The following ANXA3 variants were observed in gnomAD, a reference collection of about 807,000 sequenced individuals.
ANXA3 encodes 35-alpha calcimedin.
ANXA3 carries 46 observed loss-of-function variants against 48.8 expected under a neutral mutation model. That is an observed-to-expected ratio of 0.94 (90% CI 0.74 to 1.21). The LOEUF is 1.21. ANXA3 is among the 50% of genes most tolerant of loss of function. ANXA3 has a pLI of 0.00. For synonymous variants in ANXA3, 128 were observed against 134.7 expected (o/e 0.95, Z 0.35); for missense variants, 383 against 378.6 (o/e 1.01, Z -0.10).
chr4:78,578,903 A>C, intron 3 of ANXA3, 124 bp from the exon 4 acceptor site: 1 of 393,998 alleles, frequency 2.5e-6, no homozygotes, highest in Non-Finnish European at 4.6e-6. Context: ...TTCCAACCAG[A>C]TAAGATGCTA....
At chr4:78,565,140 C>G (rs1722705498) in intron 2 of ANXA3, among the ~76,000 whole-genome samples, 1 of 152,056 alleles carries the variant, frequency 6.6e-6, no homozygotes, top group Non-Finnish European at 1.5e-5. Flanking sequence ...ATTACAGGCA[C>G]CTGCCACCAC....
chr4:78,598,459 T>C (rs1723467683), intron 10 of ANXA3, among the ~76,000 whole-genome samples: 1 of 152,198 alleles, frequency 6.6e-6, no homozygotes, highest in South Asian at 2.1e-4. Context: ...GAGATCAGTC[T>C]TCATAATTAG....
intron 3 of ANXA3, among the ~76,000 whole-genome samples, chr4:78,578,746 T>C (rs997092162): frequency 5.3e-5 from 8 of 152,072 alleles, no homozygotes; most frequent in African/African-American, 1.9e-4. Context: ...AAGTAGTAGG[T>C]TGTTTTGTCT....
At chr4:78,606,061 G>T (rs1430879780) in intron 12 of ANXA3, among the ~76,000 whole-genome samples, 2 of 152,266 alleles carry the variant, frequency 1.3e-5, no homozygotes, top group Non-Finnish European at 2.9e-5. Context: ...GCTGGGGTTG[G>T]TGAGTGGAGC....
chr4:78,597,531 C>T, intron 10 of ANXA3, 117 bp downstream of exon 10: 1 of 645,794 alleles, frequency 1.5e-6, no homozygotes, highest in Non-Finnish European at 2.7e-6. Context: ...TCCCTACAGC[C>T]CCCAACATGG....
intron 2 of ANXA3, among the ~76,000 whole-genome samples, chr4:78,567,225 G>A (rs903671449): frequency 6.6e-6 from 1 of 152,208 alleles, no homozygotes; most frequent in Non-Finnish European, 1.5e-5. Context: ...TAGGGCTGCT[G>A]TAATAAAGTA....
Position 78,573,218 on chromosome 4 carries a change from T to C in ANXA3, c.54T>C (p.Phe18=). The C allele has an allele frequency of 6.2e-7, 1 of 1,613,784 alleles. No individual in the cohort carries two copies. The highest frequency in any genetic ancestry group is 1.7e-5 in the Admixed American group (1 of 60,026). Residue 18 remains phenylalanine, a synonymous_variant, in exon 3 of 13, where the codon TTT becomes TTC. Coordinates refer to ENST00000264908, the MANE Select transcript of ANXA3 (RefSeq NM_005139.3). ...GAACAGTAAGAGATTATCCAGACTT[T>C]AGCCCATCAGTGGATGCTGAAGCTA... The part of the protein sequence containing the change: ...HRGTVRDYPD[F]SPSVDAEAIQ...
chr4:78,595,986 C>T (rs535400321), intron 9 of ANXA3, 99 bp downstream of exon 9: 11 of 764,264 alleles, frequency 1.4e-5, no homozygotes, highest in African/African-American at 5.3e-5. Context: ...TTTAAAATTG[C>T]GAAGTCTGTT....
chr4:78,555,773 C>A (rs1722500117), intron 2 of ANXA3, among the ~76,000 whole-genome samples: 1 of 151,670 alleles, frequency 6.6e-6, no homozygotes, highest in Admixed American at 6.6e-5. Context: ...ATCGCTTAAG[C>A]CCAAGAGGTG....
At chr4:78,567,116 G>A (rs4975147) in intron 2 of ANXA3, among the ~76,000 whole-genome samples, 111,640 of 152,132 alleles carry the variant, frequency 0.73, 41,624 homozygotes, top group East Asian at 0.88. Context: ...GGCACTTCTA[G>A]GTGAGGAGGC....
intron 2 of ANXA3, among the ~76,000 whole-genome samples, chr4:78,558,601 G>T (rs942417942): frequency 1.3e-5 from 2 of 152,226 alleles, no homozygotes; most frequent in Non-Finnish European, 2.9e-5. Flanking sequence ...GAAGATGAAA[G>T]AATGGCTGGT....
intron 5 of ANXA3, among the ~76,000 whole-genome samples, chr4:78,585,331 G>A (rs560607835): frequency 5.9e-5 from 9 of 152,286 alleles, no homozygotes; most frequent in South Asian, 4.1e-4. Flanking sequence ...AGGCTCTGCC[G>A]TCTTTAACTC....
chr4:78,577,497 T>C (rs1368634666), intron 3 of ANXA3, among the ~76,000 whole-genome samples: 2 of 152,170 alleles, frequency 1.3e-5, no homozygotes, highest in East Asian at 3.8e-4. Flanking sequence ...CAGCACCAAA[T>C]TGGTGCTCAG....
chr4:78,555,486 A>T (rs1340142911), intron 2 of ANXA3, among the ~76,000 whole-genome samples: 1 of 152,214 alleles, frequency 6.6e-6, no homozygotes, highest in East Asian at 1.9e-4. Flanking sequence ...CTTGACAGAA[A>T]AAGTTGTAAG....
chr4:78,553,888 T>C (rs2109921372), intron 1 of ANXA3: 1 of 152,410 alleles, frequency 6.6e-6, no homozygotes, highest in East Asian at 1.9e-4. Flanking sequence ...AACTGTGCCT[T>C]TCACCTCTGC....
intron 3 of ANXA3, among the ~76,000 whole-genome samples, chr4:78,577,314 C>A (rs910140139): frequency 6.6e-6 from 1 of 152,050 alleles, no homozygotes; most frequent in African/African-American, 2.4e-5. Context: ...TGAGATGATT[C>A]CCAGGGTTTT....
In ANXA3 at chr4:78,601,623, G is replaced by A. The variant is rs989827560; in HGVS notation, c.789+55G>A. 5.7e-6 allele frequency: 8 copies of A among 1,406,642 alleles called. No homozygotes were observed. The Admixed American group carries it at 1.2e-4, about 21-fold the overall frequency. 87.1% of individuals were successfully genotyped at this position (1,406,642 alleles called of 1,614,324 possible). ...AGCGTCCCTTAATTCCCTTGGGAAA[G>A]TATGCAAATAGTAGAACAAATATTT... On this transcript the variant is annotated intron_variant, in intron 11 of 12. Transcript: ENST00000264908.
chr4:78,553,433 C>T (rs537080742), intron 1 of ANXA3, among the ~76,000 whole-genome samples: 1 of 152,300 alleles, frequency 6.6e-6, no homozygotes, highest in South Asian at 2.1e-4. Flanking sequence ...GGCAACACCC[C>T]CTTCTTCACT....
chr4:78,567,789 T>G (rs1722761846), intron 2 of ANXA3, among the ~76,000 whole-genome samples: 1 of 152,258 alleles, frequency 6.6e-6, no homozygotes, highest in Non-Finnish European at 1.5e-5. Context: ...TTCTCCCTGG[T>G]AGTCAGGAGG....
Sources: gnomAD v4.1 joint callset for allele counts (sites outside exome capture counted in the v4.1 genomes callset) on GRCh38, gnomAD v4.1.1 for gene constraint, MANE v1.5 for transcripts, NCBI Gene and HGNC (gene_info 2026-07-23, HGNC 2026-07-21) for gene names.